The following KCNMB2 variants were observed in gnomAD, a reference collection of about 807,000 sequenced individuals.
KCNMB2 encodes the protein calcium-activated potassium channel subunit beta-2.
In KCNMB2, 9 loss-of-function variants were observed where a neutral mutation model predicts 24.5. That is an observed-to-expected ratio of 0.37 (90% CI 0.22 to 0.64). The LOEUF (loss-of-function observed/expected upper bound fraction) is 0.64, where lower values mean the gene tolerates loss of function less well. Ranked by LOEUF, KCNMB2 falls within the 30% of genes least tolerant of loss-of-function variation. KCNMB2 has a pLI of 0.63. For missense variants in KCNMB2, 226 were observed against 284.3 expected (o/e 0.79, Z 1.47); for synonymous variants, 109 against 104.4 (o/e 1.04, Z -0.27).
intron 2 of KCNMB2, among the ~76,000 whole-genome samples, chr3:178,813,986 C>T (rs9865062): frequency 0.46 from 51,702 of 113,362 alleles, 9,682 homozygotes; most frequent in African/African-American, 0.63. Flanking sequence ...GTTGTTGTTG[C>T]TGCTGCTGCT....
intron 1 of KCNMB2, among the ~76,000 whole-genome samples, chr3:178,591,407 G>C (rs1717668443): frequency 6.6e-6 from 1 of 152,126 alleles, no homozygotes; most frequent in African/African-American, 2.4e-5. Context: ...GCTCTACACA[G>C]TAAGATTCAA....
intron 1 of KCNMB2, among the ~76,000 whole-genome samples, chr3:178,603,827 C>T (rs1718180718): frequency 6.6e-6 from 1 of 152,086 alleles, no homozygotes; most frequent in Non-Finnish European, 1.5e-5. Context: ...TGTTCAGGGA[C>T]ATTTGAAAAT....
intron 1 of KCNMB2, among the ~76,000 whole-genome samples, chr3:178,789,439 A>C (rs1250057136): frequency 1.3e-5 from 2 of 152,240 alleles, no homozygotes; most frequent in Non-Finnish European, 2.9e-5. Flanking sequence ...CCTTCATAAG[A>C]AGCAAAAATC....
intron 1 of KCNMB2, among the ~76,000 whole-genome samples, chr3:178,604,676 T>G (rs1485770082): frequency 6.6e-6 from 1 of 152,226 alleles, no homozygotes; most frequent in African/African-American, 2.4e-5. Flanking sequence ...TTTTCACCAA[T>G]ACCTGCTAGC....
At chr3:178,580,772 T>C (rs562290912) in intron 1 of KCNMB2, among the ~76,000 whole-genome samples, 40 of 152,176 alleles carry the variant, frequency 2.6e-4, no homozygotes, top group African/African-American at 8.7e-4. Context: ...TCACAATTGC[T>C]ACAAAGAGAA....
At chr3:178,569,829 C>T (rs1716706000) in intron 1 of KCNMB2, among the ~76,000 whole-genome samples, 1 of 152,226 alleles carries the variant, frequency 6.6e-6, no homozygotes, top group South Asian at 2.1e-4. Context: ...TAATGTAGAA[C>T]TGCTTCCAGC....
At chr3:178,798,151 G>A (rs540278831) in intron 1 of KCNMB2, among the ~76,000 whole-genome samples, 9 of 152,118 alleles carry the variant, frequency 5.9e-5, no homozygotes, top group East Asian at 1.9e-4. Context: ...TGATTGCCCC[G>A]GCCAGAACTT....
intron 1 of KCNMB2, among the ~76,000 whole-genome samples, chr3:178,682,900 G>A (rs2108321235): frequency 6.6e-6 from 1 of 152,028 alleles, no homozygotes; most frequent in Non-Finnish European, 1.5e-5. Context: ...ATGGAGAAAA[G>A]GAAATGCCTA....
In KCNMB2 at chr3:178,751,227, A is replaced by G. The variant is rs150124322; in HGVS notation, c.-67-56116A>G. 8.5e-5 allele frequency among the ~76,000 whole-genome samples: 13 copies of G among 152,308 alleles called. No individual in the cohort carries two copies. The East Asian group carries it at 2.5e-3, about 29-fold the overall frequency. ...GTTCCAAGAAGACCAGAGTAAAGGTATACAAAGAAATAGTTCAGAGACAAA... is the reference window on the plus strand; with the variant it reads ...GTTCCAAGAAGACCAGAGTAAAGGTGTACAAAGAAATAGTTCAGAGACAAA... On this transcript the variant is annotated intron_variant, in intron 1 of 4. Transcript: ENST00000452583.
intron 1 of KCNMB2, among the ~76,000 whole-genome samples, chr3:178,800,377 T>G (rs201507548): frequency 6.6e-6 from 1 of 152,108 alleles, no homozygotes; most frequent in Non-Finnish European, 1.5e-5. Context: ...CAGTTCTGAA[T>G]AGACATTTCT....
At chr3:178,753,085 C>A (rs944588037) in intron 1 of KCNMB2, among the ~76,000 whole-genome samples, 7 of 152,168 alleles carry the variant, frequency 4.6e-5, no homozygotes, top group African/African-American at 1.4e-4. Flanking sequence ...TTGCTCTCTG[C>A]ATGTTATTGA....
At chr3:178,570,481 G>T (rs903362189) in intron 1 of KCNMB2, among the ~76,000 whole-genome samples, 2 of 144,910 alleles carry the variant, frequency 1.4e-5, no homozygotes, top group African/African-American at 5.1e-5. Context: ...AATATTTCCA[G>T]TCCCTTCTGA....
At position 178,599,701 on chromosome 3, in the gene KCNMB2, T is replaced by A. The variant is rs117333582; in HGVS notation, c.-68+62990T>A. 1.6e-4 allele frequency among the ~76,000 whole-genome samples: 24 copies of A among 152,280 alleles called. No homozygotes were observed. In the East Asian group the frequency reaches 3.9e-3, roughly 24 times the overall value. Reference sequence around the variant, plus strand: ...CACATTCACATTGTCGTGCAACTAATTTCCAAAACCTTTTCCTCTTACAAA... The same window carrying A: ...CACATTCACATTGTCGTGCAACTAAATTCCAAAACCTTTTCCTCTTACAAA... On this transcript the variant is annotated intron_variant, in intron 1 of 4. Transcript: ENST00000452583.
At chr3:178,605,142 C>A (rs1350446392) in intron 1 of KCNMB2, among the ~76,000 whole-genome samples, 1 of 152,130 alleles carries the variant, frequency 6.6e-6, no homozygotes, top group Non-Finnish European at 1.5e-5. Flanking sequence ...TATTAGGAAG[C>A]AAGACCTTTG....
At chr3:178,669,919 A>C (rs373512621) in intron 1 of KCNMB2, among the ~76,000 whole-genome samples, 4 of 152,174 alleles carry the variant, frequency 2.6e-5, no homozygotes, top group African/African-American at 9.6e-5. Context: ...GATAAGAGAA[A>C]GCAAGCAGGA....
intron 1 of KCNMB2, among the ~76,000 whole-genome samples, chr3:178,568,380 G>A (rs1362264583): frequency 1.3e-5 from 2 of 152,144 alleles, no homozygotes; most frequent in Non-Finnish European, 2.9e-5. Context: ...GTATGTTCCT[G>A]CTATGTTTCT....
chr3:178,574,862 G>A (rs1327974295), intron 1 of KCNMB2, among the ~76,000 whole-genome samples: 1 of 152,174 alleles, frequency 6.6e-6, no homozygotes, highest in South Asian at 2.1e-4. Context: ...GAGGTCAGGA[G>A]TTCAAGACCA....
intron 1 of KCNMB2, among the ~76,000 whole-genome samples, chr3:178,718,059 T>C (rs1191384802): frequency 6.6e-6 from 1 of 152,240 alleles, no homozygotes; most frequent in Non-Finnish European, 1.5e-5. Context: ...AAATAGAGTT[T>C]ACTTTCATGC....
At chr3:178,574,377 C>T (rs1013943464) in intron 1 of KCNMB2, among the ~76,000 whole-genome samples, 7 of 152,194 alleles carry the variant, frequency 4.6e-5, no homozygotes, top group African/African-American at 1.2e-4. Context: ...TTATTCCTTC[C>T]GGACATATCT....
Sources: gnomAD v4.1 joint callset for allele counts (sites outside exome capture counted in the v4.1 genomes callset) on GRCh38, gnomAD v4.1.1 for gene constraint, MANE v1.5 for transcripts, NCBI Gene and HGNC (gene_info 2026-07-23, HGNC 2026-07-21) for gene names.